Variants in DGKB observed in about 807,000 individuals in gnomAD.
DGKB encodes diacylglycerol kinase beta, also known as 90 kDa diacylglycerol kinase.
In DGKB, 67 loss-of-function variants were observed where a neutral mutation model predicts 114.3. The ratio of observed to expected loss-of-function variants is 0.59; its 90% CI spans 0.48 to 0.72. The LOEUF is 0.72. Ranked by LOEUF, DGKB falls within the 30% of genes least tolerant of loss-of-function variation. DGKB has a pLI of 0.00. For missense variants in DGKB, 907 were observed against 975.2 expected, an observed-to-expected ratio of 0.93 and a Z score of 0.93; for synonymous variants, 398 against 323.1, an observed-to-expected ratio of 1.23 and a Z score of -2.49.
At chr7:14,626,061 A>C (rs991527221) in intron 14 of DGKB, among the ~76,000 whole-genome samples, 1 of 152,198 alleles carries the variant, frequency 6.6e-6, no homozygotes, top group Non-Finnish European at 1.5e-5. Context: ...TGAAATGAAT[A>C]AAATAAAAAG....
chr7:14,177,446 C>G (rs1476226082), intron 24 of DGKB, among the ~76,000 whole-genome samples: 1 of 150,234 alleles, frequency 6.7e-6, no homozygotes. Flanking sequence ...ATCCCAGATA[C>G]TCGGGAGGAT....
intron 21 of DGKB, among the ~76,000 whole-genome samples, chr7:14,468,579 T>C (rs2128882303): frequency 6.7e-6 from 1 of 149,260 alleles, no homozygotes; most frequent in Admixed American, 6.6e-5. Context: ...ATATATCTGT[T>C]ACATATATAT....
rs181165947 is a variant in DGKB, at chr7:14,341,488, G to A, written c.1927-2778C>T. On this transcript the variant is annotated intron_variant, in intron 22 of 25. Coordinates refer to ENST00000402815, the MANE Select transcript of DGKB (RefSeq NM_001350709.2). ...TTAAAAAGGTAGCTACAGAGGAAAA[G>A]AATATAAAAGCTTAAAAGCTAACAG... 4.3e-3 allele frequency among the ~76,000 whole-genome samples: 655 copies of A among 151,914 alleles called. 7 individuals are homozygous for A. Among genetic ancestry groups the A allele is most frequent in the Non-Finnish European group, 4.0e-3 (272 of 67,798 alleles).
At chr7:14,937,321 A>G (rs771555101) in intron 1 of DGKB, among the ~76,000 whole-genome samples, 1 of 152,056 alleles carries the variant, frequency 6.6e-6, no homozygotes, top group Non-Finnish European at 1.5e-5. Flanking sequence ...CTCTCCTTTC[A>G]AAGAAAGGAG....
chr7:14,729,703 G>A (rs1830637954), intron 5 of DGKB, among the ~76,000 whole-genome samples: 1 of 151,922 alleles, frequency 6.6e-6, no homozygotes, highest in East Asian at 1.9e-4. Context: ...TTTTATTTGG[G>A]CTCCTGTAGG....
intron 6 of DGKB, among the ~76,000 whole-genome samples, chr7:14,710,505 A>C (rs1827183611): frequency 6.6e-6 from 1 of 152,238 alleles, no homozygotes; most frequent in South Asian, 2.1e-4. Flanking sequence ...CCTTATTGCC[A>C]TGAGCAATGA....
At chr7:14,795,289 A>G (rs544724116) in intron 2 of DGKB, among the ~76,000 whole-genome samples, 18 of 152,326 alleles carry the variant, frequency 1.2e-4, no homozygotes, top group Non-Finnish European at 2.1e-4. Context: ...TAAATGTTGC[A>G]GCTTGTGGAG....
chr7:14,753,129 G>A (rs577230757), intron 4 of DGKB, among the ~76,000 whole-genome samples: 1 of 152,276 alleles, frequency 6.6e-6, no homozygotes, highest in East Asian at 1.9e-4. Context: ...TGTTGGACAT[G>A]AAATTACAGT....
At chr7:14,296,260 G>C (rs1280953376) in intron 23 of DGKB, among the ~76,000 whole-genome samples, 2 of 151,968 alleles carry the variant, frequency 1.3e-5, no homozygotes, top group Non-Finnish European at 2.9e-5. Context: ...TCAATCTCCT[G>C]ACCTTGTGGC....
At chr7:14,780,428 C>A (rs1471012058) in intron 2 of DGKB, among the ~76,000 whole-genome samples, 1 of 152,198 alleles carries the variant, frequency 6.6e-6, no homozygotes, top group Non-Finnish European at 1.5e-5. Flanking sequence ...CAACAATAGG[C>A]ATATAATAGT....
chr7:14,851,687 T>C (rs565700699), intron 1 of DGKB, among the ~76,000 whole-genome samples: 57 of 152,320 alleles, frequency 3.7e-4, no homozygotes, highest in African/African-American at 1.2e-3. Context: ...TGCATGTACA[T>C]CATAAATTGT....
chr7:14,348,904 G>A lies in DGKB; in HGVS notation c.1836-3513C>T, dbSNP rs532840526. Among the ~76,000 whole-genome samples, 180 of 151,944 alleles carry A rather than the reference G, an allele frequency of 1.2e-3. 1 individual carries two copies. The highest frequency in any genetic ancestry group is 4.2e-3 in the African/African-American group (174 of 41,506). ...ATGATTTTAGAGTAGGCTAAATACC[G>A]ACTAACAAGTGTGGTAGGGTCTGTT... On this transcript the variant is annotated intron_variant, in intron 21 of 25. Coordinates refer to ENST00000402815, the MANE Select transcript of DGKB (RefSeq NM_001350709.2).
intron 23 of DGKB, among the ~76,000 whole-genome samples, chr7:14,207,630 G>A (rs1198246880): frequency 2.0e-5 from 3 of 152,046 alleles, no homozygotes; most frequent in Non-Finnish European, 4.4e-5. Context: ...ACTAATATCA[G>A]TAAACATGTT....
At chr7:14,972,676 A>G (rs2115311973) in intron 1 of DGKB, among the ~76,000 whole-genome samples, 1 of 152,108 alleles carries the variant, frequency 6.6e-6, no homozygotes, top group South Asian at 2.1e-4. Context: ...TTGTTGAAAA[A>G]AAAAAAAAAG....
At chr7:14,352,008 C>T (rs1296949195) in intron 21 of DGKB, among the ~76,000 whole-genome samples, 3 of 152,034 alleles carry the variant, frequency 2.0e-5, no homozygotes, top group East Asian at 1.9e-4. Flanking sequence ...AGAAGGCAAA[C>T]ATTTTTCATA....
At chr7:14,766,793 T>C (rs555325318) in intron 2 of DGKB, among the ~76,000 whole-genome samples, 27 of 151,914 alleles carry the variant, frequency 1.8e-4, no homozygotes, top group African/African-American at 5.8e-4. Flanking sequence ...AGAGATGCAA[T>C]CTGCTAGGAA....
chr7:14,352,100 G>T (rs1300086047), intron 21 of DGKB, among the ~76,000 whole-genome samples: 3 of 152,126 alleles, frequency 2.0e-5, no homozygotes, highest in Non-Finnish European at 4.4e-5. Context: ...CATAAGACGT[G>T]CTTGTTAAGT....
At chr7:14,621,346 A>G (rs1376973856) in intron 15 of DGKB, 32 bp downstream of exon 15, 1 of 1,357,150 alleles carries the variant, frequency 7.4e-7, no homozygotes, top group Non-Finnish European at 1.0e-6. Flanking sequence ...CAAATATGAA[A>G]CCTACTAAAA....
chr7:14,375,594 A>T (rs1259918307), intron 21 of DGKB, among the ~76,000 whole-genome samples: 1 of 152,124 alleles, frequency 6.6e-6, no homozygotes, highest in Non-Finnish European at 1.5e-5. Flanking sequence ...TATTAACCAC[A>T]TGCCTTTCCT....
Sources: gnomAD v4.1 joint callset for allele counts (sites outside exome capture counted in the v4.1 genomes callset) on GRCh38, gnomAD v4.1.1 for gene constraint, MANE v1.5 for transcripts, NCBI Gene and HGNC (gene_info 2026-07-23, HGNC 2026-07-21) for gene names.